Variants in PRKN observed in about 807,000 individuals in gnomAD.
The protein encoded by PRKN is E3 ubiquitin-protein ligase parkin.
A neutral mutation model predicts 59.5 loss-of-function variants in PRKN; 56 were observed. The observed-to-expected ratio is 0.94, with a 90% CI of 0.76 to 1.18. The LOEUF (loss-of-function observed/expected upper bound fraction) is 1.18, where lower values mean the gene tolerates loss of function less well. Among genes scored for constraint, PRKN ranks in the 50% most tolerant of loss-of-function variants. The pLI is 0.00. For missense variants in PRKN, 657 were observed against 596.4 expected, an observed-to-expected ratio of 1.10 and a Z score of -1.06; for synonymous variants, 250 against 222.1, an observed-to-expected ratio of 1.13 and a Z score of -1.12.
At chr6:161,565,556 T>A (rs1780610480) in intron 8 of PRKN, among the ~76,000 whole-genome samples, 1 of 152,096 alleles carries the variant, frequency 6.6e-6, no homozygotes, top group South Asian at 2.1e-4. Flanking sequence ...TGGCTGGCAT[T>A]TCCCCTGCTT....
intron 1 of PRKN, among the ~76,000 whole-genome samples, chr6:162,674,930 A>G (rs769851556): frequency 1.3e-5 from 2 of 152,238 alleles, no homozygotes; most frequent in Admixed American, 6.5e-5. Context: ...AAACGATTTC[A>G]TGGTTTTGAC....
At chr6:162,034,674 T>A (rs919679602) in intron 5 of PRKN, among the ~76,000 whole-genome samples, 4 of 152,214 alleles carry the variant, frequency 2.6e-5, no homozygotes, top group Non-Finnish European at 4.4e-5. Flanking sequence ...ATAATAATTT[T>A]AAAAACCCTA....
intron 2 of PRKN, among the ~76,000 whole-genome samples, chr6:162,415,971 C>T (rs189330808): frequency 6.6e-6 from 1 of 152,114 alleles, no homozygotes. Context: ...ACGCTGAATT[C>T]TGTTGTTTAG....
rs570531067 is a variant in PRKN, at chr6:162,679,006, C to T, written c.7+48656G>A. 2.2e-4 allele frequency among the ~76,000 whole-genome samples: 33 copies of T among 152,190 alleles called. 1 individual carries two copies. The South Asian group carries it at 4.6e-3, about 21-fold the overall frequency. On this transcript the variant is annotated intron_variant, in intron 1 of 11. Transcript: ENST00000366898. The stretch of plus-strand genomic sequence containing the variant: ...GGCCAGGCTGGTCTTGAACTCCTGA[C>T]CTCAGGTGACCTGCCTGCCTTGGCC...
At chr6:162,586,592 T>C (rs1287116667) in intron 1 of PRKN, among the ~76,000 whole-genome samples, 2 of 152,144 alleles carry the variant, frequency 1.3e-5, no homozygotes, top group Admixed American at 6.5e-5. Flanking sequence ...GTTAAGGTCA[T>C]AGCAATCAGG....
intron 3 of PRKN, among the ~76,000 whole-genome samples, chr6:162,244,409 A>G (rs541254311): frequency 6.6e-6 from 1 of 152,230 alleles, no homozygotes; most frequent in East Asian, 1.9e-4. Flanking sequence ...TGGGTCTAAG[A>G]TAGTTTGGAA....
chr6:162,711,034 C>T (rs1429372475), intron 1 of PRKN, among the ~76,000 whole-genome samples: 1 of 152,214 alleles, frequency 6.6e-6, no homozygotes, highest in Non-Finnish European at 1.5e-5. Context: ...TTCAAGAAGG[C>T]TCTCAGAGGT....
rs543899677 is a variant in PRKN at position 161,562,737 on chromosome 6, C to T, written c.933+6618G>A. Reference sequence around the variant, plus strand: ...CAAACTCCTTCCTTTCCCTGACCCACAGCCAGTCAGTCACCAAGTCCTTGA... The same window carrying T: ...CAAACTCCTTCCTTTCCCTGACCCATAGCCAGTCAGTCACCAAGTCCTTGA... On this transcript the variant is annotated intron_variant, in intron 8 of 11. Transcript: ENST00000366898. The surrounding 1 kb of genome is among the most constrained non-coding windows in gnomAD (Gnocchi z 4.3). Among the ~76,000 whole-genome samples the T allele has an allele frequency of 6.6e-6, 1 of 152,208 alleles. No homozygotes were observed. Among genetic ancestry groups the T allele is most frequent in the Non-Finnish European group, 1.5e-5 (1 of 68,038 alleles).
At chr6:161,697,238 G>A (rs572226247) in intron 7 of PRKN, among the ~76,000 whole-genome samples, 1 of 152,264 alleles carries the variant, frequency 6.6e-6, no homozygotes, top group East Asian at 1.9e-4. Flanking sequence ...CTCATCCTCT[G>A]GTAATGTGGA....
chr6:161,734,269 T>C (rs1344737995), intron 7 of PRKN, among the ~76,000 whole-genome samples: 4 of 152,142 alleles, frequency 2.6e-5, no homozygotes, highest in African/African-American at 7.2e-5. Flanking sequence ...TAACCAAAAA[T>C]CATGTTTCAA....
chr6:162,659,443 T>C (rs935323210), intron 1 of PRKN, among the ~76,000 whole-genome samples: 1 of 152,162 alleles, frequency 6.6e-6, no homozygotes, highest in Non-Finnish European at 1.5e-5. Flanking sequence ...TTTGAAAATA[T>C]TCATCTTGTT....
At chr6:162,498,327 A>ACATTTGAT (rs1793167742) in intron 1 of PRKN, among the ~76,000 whole-genome samples, 1 of 146,742 alleles carries the variant, frequency 6.8e-6, no homozygotes, top group Non-Finnish European at 1.5e-5. Flanking sequence ...GCAACACTCA[A>ACATTTGAT]CATTTGATGT....
In PRKN at chr6:161,451,051, A is replaced by G. The variant is rs917184159; in HGVS notation, c.1084-64174T>C. On this transcript the variant is annotated intron_variant, in intron 9 of 11. Transcript: ENST00000366898. The surrounding 1 kb of genome is among the most constrained non-coding windows in gnomAD (Gnocchi z 5.9). ...ATTCTTGTTTTTAAAGAGGCAGGTA[A>G]GCAGGTAATAGAGAAGCCTTGAGGA... 6.6e-6 allele frequency among the ~76,000 whole-genome samples: 1 copy of G among 152,150 alleles called. No homozygotes were observed. Among genetic ancestry groups the G allele is most frequent in the African/African-American group, 2.4e-5 (1 of 41,430 alleles).
In PRKN at chr6:161,867,751, T is replaced by TTATTTATG. The variant is rs1554236181; in HGVS notation, c.735-81844_735-81843insCATAAATA. The stretch of plus-strand genomic sequence containing the variant: ...TGGGAAAAATCTTTCATTTATTTAT[T>TTATTTATG]TATTTATTTATTTATTTATTTATTT... On this transcript the variant is annotated intron_variant, in intron 6 of 11. Coordinates refer to ENST00000366898, the MANE Select transcript of PRKN (RefSeq NM_004562.3). Among the ~76,000 whole-genome samples, 92 of 141,286 alleles carry TTATTTATG rather than the reference T, an allele frequency of 6.5e-4. 1 individual carries two copies. Among genetic ancestry groups the TTATTTATG allele is most frequent in the African/African-American group, 2.5e-3 (84 of 32,952 alleles). 92.7% of individuals were successfully genotyped at this position (141,286 alleles called of 152,430 possible). A position where few individuals can be genotyped will look rare whatever the true frequency, so the allele number is the denominator to read the frequency against.
At chr6:162,337,812 C>T (rs1037530187) in intron 2 of PRKN, among the ~76,000 whole-genome samples, 6 of 151,984 alleles carry the variant, frequency 3.9e-5, no homozygotes, top group East Asian at 1.9e-4. Context: ...TACAAAAGTA[C>T]GCTGAAGAGA....
chr6:162,026,968 C>T (rs1783459419), intron 5 of PRKN, among the ~76,000 whole-genome samples: 1 of 152,076 alleles, frequency 6.6e-6, no homozygotes, highest in South Asian at 2.1e-4. Flanking sequence ...GATAACAAAC[C>T]TATAAACTAG....
intron 1 of PRKN, among the ~76,000 whole-genome samples, chr6:162,659,159 A>T (rs1778783899): frequency 6.6e-6 from 1 of 152,208 alleles, no homozygotes; most frequent in Admixed American, 6.5e-5. Context: ...CATGAATTCA[A>T]GCGGCTGTTA....
chr6:161,506,083 G>A (rs1267896928), intron 9 of PRKN, among the ~76,000 whole-genome samples: 1 of 150,968 alleles, frequency 6.6e-6, no homozygotes, highest in East Asian at 1.9e-4. Flanking sequence ...GTAGCTTGAT[G>A]GGGATGGCAT....
At chr6:161,907,368 T>C (rs1347072771) in intron 6 of PRKN, among the ~76,000 whole-genome samples, 4 of 152,186 alleles carry the variant, frequency 2.6e-5, no homozygotes, top group South Asian at 2.1e-4. Context: ...CTAGTTATTG[T>C]TGAGGCAATC....
Sources: gnomAD v4.1 joint callset for allele counts (sites outside exome capture counted in the v4.1 genomes callset) on GRCh38, gnomAD v4.1.1 for gene constraint, Gnocchi (gnomAD v3.1) non-coding constraint, MANE v1.5 for transcripts, NCBI Gene and HGNC (gene_info 2026-07-23, HGNC 2026-07-21) for gene names.